Variants in TCF12 observed in about 807,000 individuals in gnomAD.
TCF12 encodes DNA-binding protein HTF4.
A neutral mutation model predicts 86.0 loss-of-function variants in TCF12; 45 were observed. The ratio of observed to expected loss-of-function variants is 0.52; its 90% confidence interval spans 0.41 to 0.67. The LOEUF (loss-of-function observed/expected upper bound fraction) is 0.67, where lower values mean the gene tolerates loss of function less well. Ranked by LOEUF, TCF12 falls within the 30% of genes least tolerant of loss-of-function variation. The pLI is 0.00. For missense variants in TCF12, 881 were observed against 859.9 expected (o/e 1.02, Z -0.31); for synonymous variants, 330 against 299.6 (o/e 1.10, Z -1.05).
At chr15:57,183,921 T>A (rs1228629073) in intron 6 of TCF12, among the ~76,000 whole-genome samples, 1 of 152,198 alleles carries the variant, frequency 6.6e-6, no homozygotes, top group African/African-American at 2.4e-5. Context: ...ATTTTCAGTG[T>A]ACTTTTAGAA....
chr15:56,997,398 T>A (rs1269413509), intron 3 of TCF12, among the ~76,000 whole-genome samples: 1 of 152,192 alleles, frequency 6.6e-6, no homozygotes, highest in Non-Finnish European at 1.5e-5. Context: ...TTGTTCTCAC[T>A]TACAAGTGAG....
intron 5 of TCF12, among the ~76,000 whole-genome samples, chr15:57,155,167 C>G (rs2054027872): frequency 1.3e-5 from 2 of 152,154 alleles, no homozygotes; most frequent in Non-Finnish European, 2.9e-5. Context: ...TTTACTGTTA[C>G]AGAATGTTGG....
chr15:57,149,068 T>C (rs1417948089), intron 5 of TCF12, among the ~76,000 whole-genome samples: 1 of 152,180 alleles, frequency 6.6e-6, no homozygotes, highest in Non-Finnish European at 1.5e-5. Context: ...AGTTAGCATA[T>C]AGTTTGTCAA....
chr15:56,999,927 C>T (rs1440244483), intron 3 of TCF12, among the ~76,000 whole-genome samples: 2 of 152,022 alleles, frequency 1.3e-5, no homozygotes, highest in African/African-American at 4.8e-5. Flanking sequence ...TATTAAACTC[C>T]TGAGCTCAAG....
chr15:57,169,428 C>T (rs951272597), intron 6 of TCF12, among the ~76,000 whole-genome samples: 10 of 152,020 alleles, frequency 6.6e-5, no homozygotes, highest in Non-Finnish European at 1.5e-4. Flanking sequence ...AGTGAAGAGA[C>T]CTAGGTTCAA....
chr15:57,192,517 T>C (rs2057038222), intron 7 of TCF12, among the ~76,000 whole-genome samples: 1 of 152,158 alleles, frequency 6.6e-6, no homozygotes, highest in Non-Finnish European at 1.5e-5. Flanking sequence ...GCCTCGCAAG[T>C]AGCTGAGACT....
At chr15:56,990,743 G>C (rs1304639240) in intron 3 of TCF12, among the ~76,000 whole-genome samples, 1 of 151,904 alleles carries the variant, frequency 6.6e-6, no homozygotes, top group African/African-American at 2.4e-5. Context: ...TAGCAGCTTT[G>C]ACCAGAACAC....
At chr15:57,161,223 C>G (rs2054484817) in intron 5 of TCF12, among the ~76,000 whole-genome samples, 1 of 152,150 alleles carries the variant, frequency 6.6e-6, no homozygotes, top group East Asian at 1.9e-4. Flanking sequence ...TTTCTGTAAG[C>G]ATTGAAAGGT....
intron 5 of TCF12, among the ~76,000 whole-genome samples, chr15:57,115,579 C>T (rs990892157): frequency 6.6e-5 from 10 of 152,130 alleles, no homozygotes; most frequent in African/African-American, 1.7e-4. Flanking sequence ...TAGGAAAGGT[C>T]ATACTGTCTA....
intron 6 of TCF12, among the ~76,000 whole-genome samples, chr15:57,187,368 A>G (rs183788099): frequency 1.3e-5 from 2 of 152,282 alleles, no homozygotes; most frequent in Admixed American, 1.3e-4. Context: ...AGTGTTTTCT[A>G]CTTTTACTGA....
At chr15:56,963,027 CTTTT>C (rs532973260) in intron 3 of TCF12, among the ~76,000 whole-genome samples, 68 of 96,230 alleles carry the variant, frequency 7.1e-4, no homozygotes, top group African/African-American at 2.4e-3. Flanking sequence ...GTGTTAAGGT[CTTTT>C]TTTTTTTTTT....
intron 13 of TCF12, among the ~76,000 whole-genome samples, chr15:57,246,556 G>GA (rs1430997513): frequency 3.3e-5 from 5 of 151,400 alleles, no homozygotes; most frequent in African/African-American, 7.3e-5. Context: ...TCCAGTAGAT[G>GA]AAAAAAGACC....
At chr15:57,145,795 G>A (rs1054788011) in intron 5 of TCF12, among the ~76,000 whole-genome samples, 2 of 152,156 alleles carry the variant, frequency 1.3e-5, no homozygotes, top group African/African-American at 4.8e-5. Context: ...CCAAAGGTCA[G>A]TCAGCCTCTC....
intron 3 of TCF12, among the ~76,000 whole-genome samples, chr15:56,972,122 T>C (rs1259836025): frequency 6.6e-6 from 1 of 152,242 alleles, no homozygotes; most frequent in African/African-American, 2.4e-5. Flanking sequence ...TTACCTATGC[T>C]TAGTGATTTA....
intron 3 of TCF12, among the ~76,000 whole-genome samples, chr15:56,981,672 C>T (rs187602434): frequency 6.6e-6 from 1 of 152,300 alleles, no homozygotes; most frequent in Admixed American, 6.5e-5. Flanking sequence ...CTTTTGACTC[C>T]TCCAAAACTT....
At chr15:56,942,386 T>C (rs1353496809) in intron 3 of TCF12, among the ~76,000 whole-genome samples, 2 of 152,222 alleles carry the variant, frequency 1.3e-5, no homozygotes, top group Non-Finnish European at 2.9e-5. Context: ...TTTCATTGAC[T>C]ATCTCATTGA....
At chr15:57,066,062 T>A (rs2068848897) in intron 4 of TCF12, among the ~76,000 whole-genome samples, 1 of 152,152 alleles carries the variant, frequency 6.6e-6, no homozygotes, top group African/African-American at 2.4e-5. Flanking sequence ...TAAGAAGTTT[T>A]TCGTATCATT....
At chr15:57,041,616 A>G (rs963614406) in intron 3 of TCF12, among the ~76,000 whole-genome samples, 6 of 152,362 alleles carry the variant, frequency 3.9e-5, no homozygotes, top group South Asian at 4.1e-4. Flanking sequence ...AGAGAACAGA[A>G]TGCAGGGTCC....
chr15:57,115,810 A>ATAAAGAGTTTAGCACCCTAAGCACCAGG (rs1195229996), intron 5 of TCF12, among the ~76,000 whole-genome samples: 45 of 151,990 alleles, frequency 3.0e-4, no homozygotes, highest in African/African-American at 9.9e-4. Flanking sequence ...GGGATCTATG[A>ATAAAGAGTTTAGCACCCTAAGCACCAGG]TAAAGAGTTT....
Sources: allele counts gnomAD v4.1 joint callset (sites outside exome capture counted in the v4.1 genomes callset), GRCh38; gene constraint gnomAD v4.1.1; transcripts MANE v1.5; gene names NCBI Gene and HGNC (gene_info 2026-07-23, HGNC 2026-07-21).